Variants in CTBP2 observed in about 807,000 individuals in gnomAD.
CTBP2 encodes the protein C-terminal binding protein 2, also known as C-terminal-binding protein 2.
A neutral mutation model predicts 80.3 loss-of-function variants in CTBP2; 30 were observed. That is an observed-to-expected ratio of 0.37 (90% CI 0.28 to 0.51). The LOEUF is 0.51. CTBP2 is among the 20% of genes least tolerant of loss of function. The probability of loss-of-function intolerance (pLI) is 0.93; values close to 1 mark genes in which losing one functional copy is unlikely to be tolerated. For missense variants in CTBP2, 1,212 were observed against 1,375.3 expected, an observed-to-expected ratio of 0.88 and a Z score of 1.88; for synonymous variants, 594 against 587.4, an observed-to-expected ratio of 1.01 and a Z score of -0.16.
At chr10:125,130,700 T>C (rs1856027428) in intron 1 of CTBP2, among the ~76,000 whole-genome samples, 1 of 152,186 alleles carries the variant, frequency 6.6e-6, no homozygotes, top group African/African-American at 2.4e-5. Flanking sequence ...TCCATTTTCA[T>C]TACTGATGCT....
chr10:125,047,950 A>AT (rs1353730528), intron 2 of CTBP2, among the ~76,000 whole-genome samples: 1 of 152,216 alleles, frequency 6.6e-6, no homozygotes, highest in African/African-American at 2.4e-5. Flanking sequence ...TTCAGGTTAG[A>AT]TTTTTAAGAT....
upstream of CTBP2, among the ~76,000 whole-genome samples, chr10:125,161,567 A>G (rs1861897163): frequency 6.6e-6 from 1 of 151,878 alleles, no homozygotes; most frequent in Admixed American, 6.5e-5. Flanking sequence ...CGGGCCGGCC[A>G]CAGGGGGCAC....
intron 3 of CTBP2, among the ~76,000 whole-genome samples, chr10:125,035,761 G>A (rs965747325): frequency 1.3e-5 from 2 of 152,156 alleles, no homozygotes; most frequent in African/African-American, 2.4e-5. Flanking sequence ...GGCATAATGC[G>A]ATAAAGTAGG....
At chr10:125,048,737 C>T (rs549614212) in intron 2 of CTBP2, among the ~76,000 whole-genome samples, 6 of 152,278 alleles carry the variant, frequency 3.9e-5, no homozygotes, top group South Asian at 4.1e-4. Context: ...TTGGCAGAGA[C>T]GGAACACACA....
At chr10:125,022,339 C>T (rs1159635449) in intron 1 of CTBP2, among the ~76,000 whole-genome samples, 2 of 152,258 alleles carry the variant, frequency 1.3e-5, no homozygotes, top group Non-Finnish European at 2.9e-5. Context: ...AATTGCCTTT[C>T]CTGGCCCCCA....
intron 2 of CTBP2, among the ~76,000 whole-genome samples, chr10:125,039,423 T>C (rs1360749838): frequency 6.6e-6 from 1 of 152,228 alleles, no homozygotes; most frequent in Non-Finnish European, 1.5e-5. Context: ...ACAGATCTCT[T>C]GCTTTTAACT....
chr10:125,027,905 T>C lies in CTBP2; in HGVS notation c.-146A>G. On this transcript the variant is annotated 5_prime_UTR_variant, in exon 1 of 9. Transcript: ENST00000309035. ...ACTGGGGGTTTTCTGTTTCAAAGCA[T>C]GGCCTGAATTATTAATCCTCCGAAA... 8 of 1,425,820 alleles carry C rather than the reference T, an allele frequency of 5.6e-6. No individual in the cohort carries two copies. Among genetic ancestry groups the C allele is most frequent in the Non-Finnish European group, 7.3e-6 (8 of 1,094,502 alleles). The allele number at this position is 1,425,820 out of a possible 1,614,324, so 88.3% of individuals were successfully genotyped here.
chr10:125,011,720 G>A (rs1293817934), intron 1 of CTBP2, among the ~76,000 whole-genome samples: 1 of 152,242 alleles, frequency 6.6e-6, no homozygotes, highest in African/African-American at 2.4e-5. Flanking sequence ...CAGTGTCCGC[G>A]CTATGCGGAA....
At chr10:125,159,339 C>T (rs1319231795) in intron 1 of CTBP2, among the ~76,000 whole-genome samples, 1 of 148,164 alleles carries the variant, frequency 6.7e-6, no homozygotes, top group Non-Finnish European at 1.5e-5. Context: ...GGCCGGGCTC[C>T]CGGCGGCGGC....
At chr10:125,017,841 G>A (rs1452498759) in intron 1 of CTBP2, among the ~76,000 whole-genome samples, 2 of 152,162 alleles carry the variant, frequency 1.3e-5, no homozygotes, top group South Asian at 2.1e-4. Context: ...ACACAGCTCC[G>A]GTGTGATGCG....
At chr10:125,113,373 TC>T (rs1206987366) in intron 1 of CTBP2, among the ~76,000 whole-genome samples, 2 of 152,348 alleles carry the variant, frequency 1.3e-5, no homozygotes, top group East Asian at 3.9e-4. Flanking sequence ...CCTGCCCATC[TC>T]CAAGTCTCTA....
chr10:125,020,467 T>C (rs898996905), intron 1 of CTBP2, among the ~76,000 whole-genome samples: 1 of 152,168 alleles, frequency 6.6e-6, no homozygotes, highest in Non-Finnish European at 1.5e-5. Flanking sequence ...CCTGTAGACA[T>C]GAGGAGGTCA....
chr10:125,022,796 G>A (rs1034876818), intron 1 of CTBP2, among the ~76,000 whole-genome samples: 3 of 152,232 alleles, frequency 2.0e-5, no homozygotes, highest in Admixed American at 6.5e-5. Context: ...GAAGCCTGCC[G>A]AAGGTTTAAG....
At position 124,985,880 on chromosome 10, in the gene CTBP2, AG is replaced by A. The variant is rs1479711771; in HGVS notation, c.*3637del. On this transcript the variant is annotated 3_prime_UTR_variant, in exon 9 of 9. Coordinates refer to ENST00000309035, the MANE Select transcript of CTBP2 (RefSeq NM_022802.3). The stretch of plus-strand genomic sequence containing the variant: ...TGCTGCTCCCAGATTGCCATGCCAG[AG>A]GGTCTTCGGATTCTTCCTTCTATCA... 1 of 149,710 alleles carries A rather than the reference AG, an allele frequency of 6.7e-6. No individual in the cohort carries two copies. The highest frequency in any genetic ancestry group is 1.9e-4 in the East Asian group (1 of 5,196). 9.3% of individuals were successfully genotyped at this position (149,710 alleles called of 1,614,324 possible). A position where few individuals can be genotyped will look rare whatever the true frequency, so the allele number is the denominator to read the frequency against.
At chr10:125,113,845 T>G (rs1365130643) in intron 1 of CTBP2, among the ~76,000 whole-genome samples, 1 of 152,166 alleles carries the variant, frequency 6.6e-6, no homozygotes, top group Admixed American at 6.5e-5. Context: ...AAGCCGGGCG[T>G]TCAAGCAACT....
At chr10:125,088,310 G>C (rs376095165) in intron 2 of CTBP2, 1 of 152,398 alleles carries the variant, frequency 6.6e-6, no homozygotes, top group East Asian at 1.9e-4. Flanking sequence ...GTGGACCGCT[G>C]TGGGGGATTC....
chr10:125,096,096 C>T (rs1380495527), intron 2 of CTBP2, among the ~76,000 whole-genome samples: 2 of 152,192 alleles, frequency 1.3e-5, no homozygotes, highest in Admixed American at 6.5e-5. Flanking sequence ...ATTCTTTTGT[C>T]CCCTTTGTCA....
At chr10:125,096,247 G>A (rs915764432) in intron 2 of CTBP2, among the ~76,000 whole-genome samples, 4 of 152,086 alleles carry the variant, frequency 2.6e-5, no homozygotes, top group Admixed American at 6.6e-5. Flanking sequence ...ACTATACTTC[G>A]TATTTCCTTT....
intron 1 of CTBP2, among the ~76,000 whole-genome samples, chr10:125,025,525 G>A (rs1165672713): frequency 6.6e-6 from 1 of 152,142 alleles, no homozygotes; most frequent in Non-Finnish European, 1.5e-5. Flanking sequence ...TCAACATCTT[G>A]CTTTGTTTAA....
Sources: allele counts gnomAD v4.1 joint callset (sites outside exome capture counted in the v4.1 genomes callset), GRCh38; gene constraint gnomAD v4.1.1; transcripts MANE v1.5; gene names NCBI Gene and HGNC (gene_info 2026-07-23, HGNC 2026-07-21).